Variants in RNF213 observed in about 807,000 individuals in gnomAD.
The protein encoded by RNF213 is ring finger protein 213.
A neutral mutation model predicts 514.4 loss-of-function variants in RNF213; 341 were observed. The observed-to-expected ratio is 0.66, with a 90% confidence interval of 0.61 to 0.73. The LOEUF (loss-of-function observed/expected upper bound fraction) is 0.73. RNF213 is among the 30% of genes least tolerant of loss of function. The pLI, the probability that RNF213 is intolerant of heterozygous loss-of-function variation, is 0.00. For missense variants in RNF213, 5,767 were observed against 6,615.6 expected, an observed-to-expected ratio of 0.87 and a Z score of 4.45; for synonymous variants, 2,655 against 2,658.2, an observed-to-expected ratio of 1.00 and a Z score of 0.04.
At chr17:80,306,125 C>T in intron 11 of RNF213, 127 bp from the exon 12 acceptor site, 1 of 912,750 alleles carries the variant, frequency 1.1e-6, no homozygotes, top group Non-Finnish European at 1.8e-6. Flanking sequence ...ACCACGCCTG[C>T]CCTCAAGTAG....
chr17:80,334,070 T>C (rs1334925763), intron 21 of RNF213, 35 bp from the exon 22 acceptor site: 3 of 1,536,894 alleles, frequency 2.0e-6, no homozygotes, highest in Non-Finnish European at 2.6e-6. Flanking sequence ...TTCTGGTTAA[T>C]GAGTTCCAGT....
At chr17:80,291,848 G>A (rs373038505) in intron 8 of RNF213, 21 bp downstream of exon 8, 6 of 1,613,548 alleles carry the variant, frequency 3.7e-6, no homozygotes, top group African/African-American at 2.7e-5. Context: ...GCAGCAGGCT[G>A]TCTGCTCACC....
Position 80,377,540 on chromosome 17 carries a change from GATAAAATTA to G in RNF213, c.13511-212_13511-204del. On this transcript the variant is annotated intron_variant, in intron 53 of 67. Coordinates refer to ENST00000582970, the MANE Select transcript of RNF213 (RefSeq NM_001256071.3). This position sits in a 1 kb window ranked among gnomAD's most constrained non-coding sequence, Gnocchi z 4.1. ...CCTATATTCTAATTGCTCTTTACTTGATAAAATTAATAAAATTAGACTCAGACATTTTTC... is the reference window on the plus strand; with the variant it reads ...CCTATATTCTAATTGCTCTTTACTTGATAAAATTAGACTCAGACATTTTTC... 1.6e-6 allele frequency: 1 copy of G among 621,894 alleles called. No individual in the cohort carries two copies. The highest frequency in any genetic ancestry group is 2.9e-6 in the Non-Finnish European group (1 of 339,034). 38.5% of individuals were successfully genotyped at this position (621,894 alleles called of 1,614,324 possible).
At position 80,346,804 on chromosome 17, in the gene RNF213, G is replaced by A. The variant is rs1028579743; in HGVS notation, c.8469G>A (p.Arg2823=). Residue 2823 remains arginine, a synonymous_variant, in exon 29 of 68, where the codon CGG becomes CGA. Coordinates refer to ENST00000582970, the MANE Select transcript of RNF213 (RefSeq NM_001256071.3). This position sits in a 1 kb window ranked among gnomAD's most constrained non-coding sequence, Gnocchi z 8.1. ...CACAGGGCATCATCAGCACCTTCCG[G>A]CAGTGCGCCCGCTTTCAGCAGGGGA... The part of the protein sequence containing the change: ...STPQGIISTF[R]QCARFQQGKD... 1 of 1,614,060 alleles carries A rather than the reference G, an allele frequency of 6.2e-7. No homozygotes were observed. The highest frequency in any genetic ancestry group is 8.5e-7 in the Non-Finnish European group (1 of 1,180,028).
At chr17:80,372,106 GAAGA>G in intron 47 of RNF213, 121 bp downstream of exon 47, 1 of 719,382 alleles carries the variant, frequency 1.4e-6, no homozygotes, top group Non-Finnish European at 2.5e-6. Flanking sequence ...GTGCAGAAAA[GAAGA>G]AAGGTTTCAA....
Position 80,390,284 on chromosome 17 carries a change from T to C in RNF213, c.15470+88T>C. On this transcript the variant is annotated intron_variant, in intron 67 of 67. Coordinates refer to ENST00000582970, the MANE Select transcript of RNF213 (RefSeq NM_001256071.3). Reference sequence around the variant, plus strand: ...TTCTATAGACACAAAAATAGTTCTTTTCTTACCACAGAATCCCATTTCCTG... The same window carrying C: ...TTCTATAGACACAAAAATAGTTCTTCTCTTACCACAGAATCCCATTTCCTG... 1.3e-5 allele frequency: 18 copies of C among 1,429,556 alleles called. No homozygotes were observed. In the South Asian group the frequency reaches 1.5e-4, roughly 12 times the overall value. The allele number at this position is 1,429,556 out of a possible 1,614,324, so 88.6% of individuals were successfully genotyped here.
chr17:80,389,874 T>C lies in RNF213; in HGVS notation c.15242T>C (p.Phe5081Ser). The C allele has an allele frequency of 6.2e-7, 1 of 1,614,190 alleles. No individual in the cohort carries two copies. Among genetic ancestry groups the C allele is most frequent in the Non-Finnish European group, 8.5e-7 (1 of 1,180,040 alleles). Residue 5081 changes from phenylalanine to serine, a missense_variant, in exon 66 of 68, where the codon TTC becomes TCC. By Grantham distance (155) the Phe-to-Ser change is radical. Around this residue, in one of 13 missense-constraint regions of RNF213, gnomAD observed 1,245 missense variants for 1,339.0 expected, o/e 0.93. Transcript: ENST00000582970. ...AAACACACCATTGCCCTCTGGCAGTTCCTGTCTGCTCATAAGTCTGAACAG... is the reference window on the plus strand; with the variant it reads ...AAACACACCATTGCCCTCTGGCAGTCCCTGTCTGCTCATAAGTCTGAACAG... The part of the protein sequence containing the change: ...QLKHTIALWQ[F>S]LSAHKSEQLL...
intron 14 of RNF213, among the ~76,000 whole-genome samples, chr17:80,309,826 G>A (rs1298996498): frequency 1.3e-5 from 2 of 151,930 alleles, no homozygotes; most frequent in Admixed American, 1.3e-4. Flanking sequence ...CGTGATCTCG[G>A]CTTACTGCAA....
intron 26 of RNF213, 63 bp downstream of exon 26, chr17:80,340,419 C>T: frequency 1.4e-6 from 2 of 1,477,520 alleles, no homozygotes; most frequent in South Asian, 1.2e-5. Flanking sequence ...CCCTTCCCCC[C>T]TCCAGCAGAT....
In RNF213 at chr17:80,348,276, T is replaced by C; in HGVS notation, c.9941T>C (p.Ile3314Thr). ...ACGGCAGACCTGGAGCGCCACGCCA[T>C]CTTCACAGAGGTGATTGTCTTTCTG... The part of the protein sequence containing the change: ...LHTADLERHA[I>T]FTEITTFSRL... Residue 3314 changes from isoleucine (I) to threonine (T), a missense_variant, in exon 29 of 68, where the codon ATC (isoleucine) becomes ACC (threonine). By Grantham distance (89) the Ile-to-Thr change is moderately conservative. This residue lies in a region of RNF213 where 919 missense variants were observed against 1,121.0 expected (regional missense o/e 0.82). Transcript: ENST00000582970. 6.2e-7 allele frequency: 1 copy of C among 1,612,870 alleles called. No individual in the cohort carries two copies. The highest frequency in any genetic ancestry group is 1.3e-5 in the African/African-American group (1 of 75,074).
chr17:80,348,262 G>A lies in RNF213; in HGVS notation c.9927G>A (p.Leu3309=), dbSNP rs758850644. The A allele has an allele frequency of 2.5e-6, 4 of 1,613,402 alleles. No individual in the cohort carries two copies. The highest frequency in any genetic ancestry group is 4.5e-5 in the East Asian group (2 of 44,902). The change falls in exon 29 of 68, where the codon CTG becomes CTA. Residue 3309 remains leucine (L), a synonymous_variant. Coordinates refer to ENST00000582970, the MANE Select transcript of RNF213 (RefSeq NM_001256071.3). ...AGGCACACCTGCACACGGCAGACCT[G>A]GAGCGCCACGCCATCTTCACAGAGG... ...FLQAHLHTAD[L]ERHAIFTEIT...
chr17:80,375,907 A>G, intron 51 of RNF213, 37 bp downstream of exon 51: 2 of 1,357,332 alleles, frequency 1.5e-6, no homozygotes, highest in Non-Finnish European at 2.1e-6. Context: ...TCAAAGTCTC[A>G]GTATTTGGAG....
chr17:80,295,485 TGGGGCAGCTCTGG>T (rs1428285945), intron 9 of RNF213, 59 bp from the exon 10 acceptor site: 1 of 1,594,590 alleles, frequency 6.3e-7, no homozygotes, highest in Non-Finnish European at 8.6e-7. Flanking sequence ...GCTGTGGTGC[TGGGGCAGCTCTGG>T]ACACTGCCGG....
At chr17:80,284,650 C>T (rs769081079) in intron 3 of RNF213, among the ~76,000 whole-genome samples, 12 of 152,312 alleles carry the variant, frequency 7.9e-5, no homozygotes, top group Non-Finnish European at 1.3e-4. Context: ...TGATGAGCCC[C>T]GAGCCTGTAG....
chr17:80,294,407 C>A lies in RNF213; in HGVS notation c.1472-313C>A, dbSNP rs182011567. On this transcript the variant is annotated intron_variant, in intron 8 of 67. Transcript: ENST00000582970. ...GATGATGTTTAAGGAAGTTGTTGAT[C>A]AAGTTTGCTGAGCTACATAGTTAGA... 7.2e-5 allele frequency among the ~76,000 whole-genome samples: 11 copies of A among 152,300 alleles called. No homozygotes were observed. The East Asian group carries it at 2.1e-3, about 29-fold the overall frequency.
intron 56 of RNF213, 73 bp downstream of exon 56, chr17:80,381,060 G>A: frequency 2.7e-6 from 4 of 1,468,950 alleles, no homozygotes; most frequent in Non-Finnish European, 3.8e-6. Context: ...GAGTCCTTTT[G>A]TCTTGAGTCC....
At chr17:80,379,885 G>A in intron 55 of RNF213, 171 bp downstream of exon 55, 1 of 668,166 alleles carries the variant, frequency 1.5e-6, no homozygotes, top group Non-Finnish European at 2.7e-6. Context: ...CAGCAGGGAG[G>A]CATCTGATCT....
intron 3 of RNF213, among the ~76,000 whole-genome samples, chr17:80,286,078 G>A (rs1483968075): frequency 6.6e-6 from 1 of 152,236 alleles, no homozygotes; most frequent in South Asian, 2.1e-4. Flanking sequence ...TGCGCTGGGA[G>A]TGAGTCTCCT....
At chr17:80,313,647 A>ATGGTTGTGGAGC (rs2045663808) in intron 15 of RNF213, among the ~76,000 whole-genome samples, 2 of 72,952 alleles carry the variant, frequency 2.7e-5, no homozygotes, top group East Asian at 9.0e-4. Context: ...GGTGATGGTG[A>ATGGTTGTGGAGC]TGGTTGTGGA....
Sources: gnomAD v4.1 joint callset for allele counts (sites outside exome capture counted in the v4.1 genomes callset) on GRCh38, gnomAD v4.1.1 for gene constraint, gnomAD v4.1.1 regional missense constraint, Gnocchi (gnomAD v3.1) non-coding constraint, MANE v1.5 for transcripts, NCBI Gene and HGNC (gene_info 2026-07-23, HGNC 2026-07-21) for gene names.